Variants in TRMT10B observed in about 807,000 individuals in gnomAD.
TRMT10B encodes the protein tRNA methyltransferase 10B, also known as tRNA methyltransferase 10 homolog B.
Under a neutral mutation model 43.8 loss-of-function variants are expected in TRMT10B, and 33 were observed. The observed-to-expected ratio is 0.75, with a 90% CI of 0.57 to 1.01. The LOEUF (loss-of-function observed/expected upper bound fraction) is 1.01. TRMT10B is among the 50% of genes least tolerant of loss of function. The pLI is 0.00. For missense variants in TRMT10B, 362 were observed against 369.8 expected (o/e 0.98, Z 0.17); for synonymous variants, 137 against 130.6 (o/e 1.05, Z -0.34).
chr9:37,763,166 C>A (rs13285612), intron 3 of TRMT10B, among the ~76,000 whole-genome samples: 2,713 of 111,840 alleles, frequency 0.024, 20 homozygotes, highest in African/African-American at 0.036. Flanking sequence ...AAAAAAAAAA[C>A]AAAAAAAAAA....
intron 3 of TRMT10B, 69 bp downstream of exon 3, chr9:37,762,754 G>GA (rs1826503567): frequency 6.7e-7 from 1 of 1,488,004 alleles, no homozygotes; most frequent in African/African-American, 1.4e-5. Flanking sequence ...ATGTTCCAAT[G>GA]AGAGTAGGAA....
intron 5 of TRMT10B, chr9:37,769,522 C>CT (rs1827332167): frequency 5.9e-6 from 1 of 170,434 alleles, no homozygotes; most frequent in South Asian, 1.4e-4. Flanking sequence ...TTCTGAGAAG[C>CT]TGTCAAGCTG....
chr9:37,762,708 G>C (rs1213205118), intron 3 of TRMT10B, 23 bp downstream of exon 3: 5 of 1,543,848 alleles, frequency 3.2e-6, no homozygotes, highest in Non-Finnish European at 4.4e-6. Context: ...GAGACTGTTG[G>C]TATAATAATA....
At chr9:37,773,171 G>C (rs938996089) in intron 7 of TRMT10B, among the ~76,000 whole-genome samples, 3 of 152,118 alleles carry the variant, frequency 2.0e-5, no homozygotes, top group South Asian at 4.1e-4. Context: ...GAGGTGGTGC[G>C]ATCATAGCTC....
intron 7 of TRMT10B, among the ~76,000 whole-genome samples, chr9:37,775,225 T>C (rs1331721678): frequency 2.0e-5 from 3 of 152,302 alleles, no homozygotes; most frequent in South Asian, 2.1e-4. Flanking sequence ...GGAGAAGTCA[T>C]AGAGAACAGA....
intron 7 of TRMT10B, among the ~76,000 whole-genome samples, chr9:37,775,449 G>A (rs1828035492): frequency 6.6e-6 from 1 of 152,126 alleles, no homozygotes; most frequent in African/African-American, 2.4e-5. Context: ...ATCTTATAAA[G>A]GGACATCAGT....
upstream of TRMT10B, among the ~76,000 whole-genome samples, chr9:37,753,330 TTG>T (rs755769725): frequency 2.6e-5 from 4 of 152,178 alleles, no homozygotes; most frequent in African/African-American, 2.4e-5. Flanking sequence ...AAAGATTCTG[TTG>T]TGTCAGTCCC....
At chr9:37,760,823 C>T (rs1826248560) in intron 1 of TRMT10B, among the ~76,000 whole-genome samples, 1 of 152,130 alleles carries the variant, frequency 6.6e-6, no homozygotes, top group Non-Finnish European at 1.5e-5. Context: ...TGTGTGACTA[C>T]ACCCGGAGGA....
At chr9:37,765,206 C>G (rs1826853253) in intron 4 of TRMT10B, among the ~76,000 whole-genome samples, 1 of 152,184 alleles carries the variant, frequency 6.6e-6, no homozygotes, top group South Asian at 2.1e-4. Context: ...ATTAACTCGT[C>G]ATTTAGCATT....
intron 5 of TRMT10B, among the ~76,000 whole-genome samples, chr9:37,768,756 G>A (rs1022534818): frequency 3.9e-5 from 6 of 152,232 alleles, no homozygotes; most frequent in Admixed American, 3.3e-4. Context: ...CCTTCCCCAG[G>A]AAGGTCCATG....
intron 1 of TRMT10B, among the ~76,000 whole-genome samples, chr9:37,755,743 G>A (rs1588998100): frequency 6.6e-6 from 1 of 152,232 alleles, no homozygotes; most frequent in South Asian, 2.1e-4. Context: ...CTCAGGGACT[G>A]TAGAGATTTG....
intron 1 of TRMT10B, among the ~76,000 whole-genome samples, chr9:37,756,221 A>G (rs948163415): frequency 2.6e-5 from 4 of 152,200 alleles, no homozygotes; most frequent in Admixed American, 2.6e-4. Context: ...CATTTATTTA[A>G]CAAATGGGTG....
chr9:37,755,228 G>GC (rs369979042), intron 1 of TRMT10B, among the ~76,000 whole-genome samples: 43 of 150,968 alleles, frequency 2.8e-4, no homozygotes, highest in African/African-American at 9.5e-4. Flanking sequence ...TCGAGATCGC[G>GC]CCACTGCACT....
chr9:37,754,470 T>G (rs1825388049), intron 1 of TRMT10B, among the ~76,000 whole-genome samples: 1 of 152,130 alleles, frequency 6.6e-6, no homozygotes, highest in South Asian at 2.1e-4. Context: ...TTGTATGGAT[T>G]TGGGCTATTT....
intron 4 of TRMT10B, among the ~76,000 whole-genome samples, chr9:37,766,513 G>C (rs911682481): frequency 1.3e-5 from 2 of 152,180 alleles, no homozygotes; most frequent in African/African-American, 4.8e-5. Context: ...CAGGTAGCAT[G>C]ATGCCTCCAG....
In TRMT10B at chr9:37,767,053, C is replaced by T. The variant is rs1249598516; in HGVS notation, c.421-1023C>T. The T allele has an allele frequency of 2.6e-5, 4 of 152,152 alleles. No homozygotes were observed. In the East Asian group the frequency reaches 7.7e-4, roughly 29 times the overall value. 9.4% of individuals were successfully genotyped at this position (152,152 alleles called of 1,614,324 possible). On this transcript the variant is annotated intron_variant, in intron 4 of 8. Transcript: ENST00000297994. Reference sequence around the variant, plus strand: ...GTCAAGGCAGTGCATAATACTGGGCCTTAATTTTAGGCCTTACATCACAGT... The same window carrying T: ...GTCAAGGCAGTGCATAATACTGGGCTTTAATTTTAGGCCTTACATCACAGT...
rs757731857 is a variant in TRMT10B, at chr9:37,762,736, G to A, written c.295+51G>A. 24 of 1,519,622 alleles carry A rather than the reference G, an allele frequency of 1.6e-5. No individual in the cohort carries two copies. The East Asian group carries it at 2.7e-4, about 17-fold the overall frequency. The allele number at this position is 1,519,622 out of a possible 1,614,324, so 94.1% of individuals were successfully genotyped here. ...TAATAATATTTATTTTTTAGCAAACGTGTCTGCATGTTCCAATGAGAGTAG... is the reference window on the plus strand; with the variant it reads ...TAATAATATTTATTTTTTAGCAAACATGTCTGCATGTTCCAATGAGAGTAG... On this transcript the variant is annotated intron_variant, in intron 3 of 8. Coordinates refer to ENST00000297994, the MANE Select transcript of TRMT10B (RefSeq NM_144964.4).
chr9:37,776,097 G>A (rs1274934930), intron 7 of TRMT10B, among the ~76,000 whole-genome samples, 185 bp from the exon 8 acceptor site: 2 of 152,140 alleles, frequency 1.3e-5, no homozygotes, highest in African/African-American at 4.8e-5. Context: ...GCAGTGAGTG[G>A]AGGACTGTGG....
chr9:37,763,991 C>A, intron 4 of TRMT10B: 1 of 559,216 alleles, frequency 1.8e-6, no homozygotes, highest in Non-Finnish European at 2.9e-6. Context: ...GTTTTAAGCC[C>A]AACATCTTTG....
Sources: allele counts gnomAD v4.1 joint callset (sites outside exome capture counted in the v4.1 genomes callset), GRCh38; gene constraint gnomAD v4.1.1; transcripts MANE v1.5; gene names NCBI Gene and HGNC (gene_info 2026-07-23, HGNC 2026-07-21).